TMC1: variants seen among roughly 807,000 people sequenced by gnomAD.
The protein encoded by TMC1 is transmembrane channel-like protein 1.
A neutral mutation model predicts 105.8 loss-of-function variants in TMC1; 84 were observed. The ratio of observed to expected loss-of-function variants is 0.79; its 90% CI spans 0.67 to 0.95. The LOEUF (loss-of-function observed/expected upper bound fraction) is 0.95. TMC1 is among the 40% of genes least tolerant of loss of function. TMC1 has a pLI of 0.00. For synonymous variants in TMC1, 315 were observed against 311.5 expected (o/e 1.01, Z -0.12); for missense variants, 817 against 914.1 (o/e 0.89, Z 1.37).
intron 19 of TMC1, 64 bp from the exon 20 acceptor site, chr9:72,820,778 G>C: frequency 6.2e-7 from 1 of 1,601,244 alleles, no homozygotes; most frequent in Non-Finnish European, 8.5e-7. Flanking sequence ...AAATAAACAG[G>C]TGCAGTGTGA....
At chr9:72,701,304 G>A (rs1208012950) in intron 8 of TMC1, among the ~76,000 whole-genome samples, 1 of 152,142 alleles carries the variant, frequency 6.6e-6, no homozygotes, top group South Asian at 2.1e-4. Context: ...ATGTGGACGC[G>A]AACGCAGTCA....
chr9:72,826,774 G>A (rs1828962604), intron 20 of TMC1, 95 bp from the exon 21 acceptor site: 2 of 1,328,594 alleles, frequency 1.5e-6, no homozygotes, highest in African/African-American at 2.9e-5. Context: ...GAGGACCTAA[G>A]CAGTAATTGA....
chr9:72,743,918 C>T (rs866891461), intron 10 of TMC1, among the ~76,000 whole-genome samples: 1 of 152,254 alleles, frequency 6.6e-6, no homozygotes, highest in South Asian at 2.1e-4. Context: ...TGGTTTCTAA[C>T]GGTTTCAACT....
chr9:72,560,124 C>T (rs192415341), intron 1 of TMC1, among the ~76,000 whole-genome samples: 1 of 152,308 alleles, frequency 6.6e-6, no homozygotes, highest in East Asian at 1.9e-4. Flanking sequence ...TTCAGCAGCT[C>T]AGAACATTGT....
chr9:72,567,252 G>T (rs138236882), intron 1 of TMC1, among the ~76,000 whole-genome samples: 2 of 152,058 alleles, frequency 1.3e-5, no homozygotes, highest in Non-Finnish European at 2.9e-5. Flanking sequence ...GGTTTATCAC[G>T]GTCTCGTATT....
intron 1 of TMC1, among the ~76,000 whole-genome samples, chr9:72,555,154 C>T (rs188575438): frequency 2.6e-5 from 4 of 151,366 alleles, no homozygotes; most frequent in Admixed American, 6.6e-5. Context: ...GCTGGAGTTA[C>T]AGCCAAAGCA....
At chr9:72,768,094 C>A (rs528290844) in intron 12 of TMC1, among the ~76,000 whole-genome samples, 2 of 152,256 alleles carry the variant, frequency 1.3e-5, no homozygotes, top group East Asian at 3.9e-4. Context: ...CAATGATAGA[C>A]TGGATAAAGA....
intron 5 of TMC1, among the ~76,000 whole-genome samples, chr9:72,650,913 G>GATATATATATAAATATATATAGAT (rs1564468566): frequency 6.0e-5 from 7 of 117,646 alleles, no homozygotes; most frequent in South Asian, 5.1e-4. Context: ...AATATATATA[G>GATATATATATAAATATATATAGAT]ATATATATAT....
intron 5 of TMC1, among the ~76,000 whole-genome samples, chr9:72,653,379 C>G (rs933985954): frequency 4.6e-5 from 7 of 152,112 alleles, no homozygotes; most frequent in Non-Finnish European, 7.4e-5. Context: ...TGGCAGCACT[C>G]CTTGGGTTTG....
At chr9:72,523,626 G>A (rs1407265022) in intron 1 of TMC1, among the ~76,000 whole-genome samples, 5 of 149,702 alleles carry the variant, frequency 3.3e-5, no homozygotes, top group African/African-American at 1.3e-4. Context: ...TAGGCTGAAG[G>A]AGGAGGGGGA....
intron 3 of TMC1, among the ~76,000 whole-genome samples, chr9:72,626,827 T>C (rs1444269981): frequency 6.6e-6 from 1 of 152,170 alleles, no homozygotes; most frequent in East Asian, 1.9e-4. Flanking sequence ...CTGTGCTGTT[T>C]GCCACATCAT....
At chr9:72,530,517 G>A (rs1488696410) in intron 1 of TMC1, among the ~76,000 whole-genome samples, 1 of 151,788 alleles carries the variant, frequency 6.6e-6, no homozygotes, top group Non-Finnish European at 1.5e-5. Flanking sequence ...TTGAACCCGG[G>A]AGGTGGAGGT....
chr9:72,563,801 G>A (rs1824098932), intron 1 of TMC1, among the ~76,000 whole-genome samples: 1 of 151,014 alleles, frequency 6.6e-6, no homozygotes, highest in South Asian at 2.1e-4. Flanking sequence ...TCGGGAGGCT[G>A]AGGCAGGAGA....
In TMC1 at chr9:72,592,650, G is replaced by T. The variant is rs138392134; in HGVS notation, c.-306+14627G>T. Among the ~76,000 whole-genome samples, 39 of 152,262 alleles carry T rather than the reference G, an allele frequency of 2.6e-4. No individual in the cohort carries two copies. The East Asian group carries it at 4.4e-3, about 17-fold the overall frequency. On this transcript the variant is annotated intron_variant, in intron 2 of 23. Coordinates refer to ENST00000297784, the MANE Select transcript of TMC1 (RefSeq NM_138691.3). ...TCAAAGCCATGGTTATGTATCTGTG[G>T]GATTATTTGCTAAATGGCCACCTCT...
intron 12 of TMC1, among the ~76,000 whole-genome samples, chr9:72,771,177 C>T (rs1273684927): frequency 1.3e-5 from 2 of 152,140 alleles, no homozygotes. Context: ...CGTGCAGTCC[C>T]GAGTTAAGCA....
rs537470158 is a variant in TMC1 at position 72,759,346 on chromosome 9, A to T, written c.741+4462A>T. The stretch of plus-strand genomic sequence containing the variant: ...AAAAATCTGCAAGGAATCCGATCTC[A>T]AAGGAAAAAAGTAGCTCCCCAAGTC... On this transcript the variant is annotated intron_variant, in intron 12 of 23. Transcript: ENST00000297784. Among the ~76,000 whole-genome samples, 3 of 152,254 alleles carry T rather than the reference A, an allele frequency of 2.0e-5. No homozygotes were observed. In the East Asian group the frequency reaches 5.8e-4, roughly 29 times the overall value.
At position 72,547,286 on chromosome 9, in the gene TMC1, C is replaced by CAAA. The variant is rs36012788; in HGVS notation, c.-428+25388_-428+25390dup. Among the ~76,000 whole-genome samples the CAAA allele has an allele frequency of 4.8e-3, 551 of 114,970 alleles. 1 individual carries two copies. The highest frequency in any genetic ancestry group is 0.016 in the African/African-American group (502 of 31,754). The allele number at this position is 114,970 out of a possible 152,430, so 75.4% of individuals were successfully genotyped here. On this transcript the variant is annotated intron_variant, in intron 1 of 23. Coordinates refer to ENST00000297784, the MANE Select transcript of TMC1 (RefSeq NM_138691.3). Reference sequence around the variant, plus strand: ...TGGGCAACAGAGCGAGACTCCTTCTCAAAAAAAAAAAAAAAAATGGTTAAA... The same window carrying CAAA: ...TGGGCAACAGAGCGAGACTCCTTCTCAAAAAAAAAAAAAAAAAAAATGGTTAAA...
chr9:72,779,352 C>T lies in TMC1; in HGVS notation c.884+6797C>T, dbSNP rs533069064. On this transcript the variant is annotated intron_variant, in intron 13 of 23. Transcript: ENST00000297784. ...AAAGAACTGGGGCAACTCAAAAAGC[C>T]GGAGTGTGTTCTCACTTCCAAATGA... Among the ~76,000 whole-genome samples the T allele has an allele frequency of 7.2e-5, 11 of 152,294 alleles. No individual in the cohort carries two copies. The South Asian group carries it at 1.7e-3, about 23-fold the overall frequency.
chr9:72,797,756 A>C (rs1467594129), intron 17 of TMC1, among the ~76,000 whole-genome samples: 1 of 152,206 alleles, frequency 6.6e-6, no homozygotes, highest in African/African-American at 2.4e-5. Flanking sequence ...ACCCAAAACT[A>C]TGAAAACTCT....
Sources: allele counts gnomAD v4.1 joint callset (sites outside exome capture counted in the v4.1 genomes callset), GRCh38; gene constraint gnomAD v4.1.1; transcripts MANE v1.5; gene names NCBI Gene and HGNC (gene_info 2026-07-23, HGNC 2026-07-21).